Variants in PDCD2 observed in about 807,000 individuals in gnomAD.
PDCD2 encodes programmed cell death 2, also known as uS5 assembly chaperone PDCD2.
In PDCD2, 38 loss-of-function variants were observed where a neutral mutation model predicts 38.1. That is an observed-to-expected ratio of 1.00 (90% confidence interval 0.77 to 1.31). The LOEUF (loss-of-function observed/expected upper bound fraction) is 1.31. Among genes scored for constraint, PDCD2 ranks in the 50% most tolerant of loss-of-function variants. The pLI is 0.00. For synonymous variants in PDCD2, 205 were observed against 168.9 expected, an observed-to-expected ratio of 1.21 and a Z score of -1.66; for missense variants, 473 against 435.7, an observed-to-expected ratio of 1.09 and a Z score of -0.76.
At chr6:170,578,610 G>T (rs1410350338) in intron 5 of PDCD2, 2 of 702,890 alleles carry the variant, frequency 2.8e-6, no homozygotes, top group Admixed American at 4.0e-5. Context: ...GAGCAGTGTA[G>T]ATATCCTCAT....
At position 170,583,178 on chromosome 6, in the gene PDCD2, G is replaced by T. The variant is rs1437734028; in HGVS notation, c.537C>A (p.Asp179Glu). Residue 179 changes from aspartate (D) to glutamate (E), a missense_variant, in exon 3 of 6, where the codon GAC becomes GAA. Transcript: ENST00000541970. ...KQACAQPDHL[D>E]HIIPDHNFLF... The stretch of plus-strand genomic sequence containing the variant: ...GGAAGTTGTGGTCTGGAATTATATG[G>T]TCCAGATGATCTGAAACAAAAAGGA... The T allele has an allele frequency of 6.3e-7, 1 of 1,598,588 alleles. No homozygotes were observed. The highest frequency in any genetic ancestry group is 1.1e-5 in the South Asian group (1 of 89,380).
chr6:170,581,865 T>C, intron 3 of PDCD2: 1 of 298,482 alleles, frequency 3.4e-6, no homozygotes. Flanking sequence ...GTTCTTAGTG[T>C]GGTTATATGA....
intron 3 of PDCD2, chr6:170,582,223 CTG>C (rs1202081434): frequency 4.2e-5 from 60 of 1,439,706 alleles, no homozygotes; most frequent in Non-Finnish European, 4.8e-5. Flanking sequence ...CTCCATAAGA[CTG>C]TGAGCATCTG....
At chr6:170,578,369 A>G (rs966402345) in intron 5 of PDCD2, 10 of 471,422 alleles carry the variant, frequency 2.1e-5, no homozygotes, top group African/African-American at 1.8e-4. Flanking sequence ...ACCCAAATGG[A>G]TTTTGATGCT....
rs1401748113 is a variant in PDCD2 at position 170,575,913 on chromosome 6, A to C, written c.*1646T>G. ...CGTTAACATGTTTGCTTTAAAAGTC[A>C]TTAGCAGTCATAACGTACTTACAGA... On this transcript the variant is annotated 3_prime_UTR_variant, in exon 6 of 6. Transcript: ENST00000541970. 1 of 152,256 alleles carries C rather than the reference A, an allele frequency of 6.6e-6. No homozygotes were observed. Among genetic ancestry groups the C allele is most frequent in the Non-Finnish European group, 1.5e-5 (1 of 68,050 alleles). 9.4% of individuals were successfully genotyped at this position (152,256 alleles called of 1,614,324 possible).
intron 1 of PDCD2, 160 bp from the exon 2 acceptor site, chr6:170,583,907 G>A (rs971437416): frequency 7.7e-6 from 5 of 646,818 alleles, no homozygotes; most frequent in Middle Eastern, 4.1e-4. Flanking sequence ...GATTTCGTCC[G>A]GTACACGCAA....
intron 5 of PDCD2, among the ~76,000 whole-genome samples, chr6:170,578,156 T>C (rs1233294320): frequency 1.8e-5 from 2 of 109,162 alleles, no homozygotes; most frequent in East Asian, 7.8e-4. Context: ...AAAGAGTGAA[T>C]AGGCAGAATA....
intron 3 of PDCD2, chr6:170,582,052 T>A: frequency 6.9e-7 from 1 of 1,450,984 alleles, no homozygotes; most frequent in Non-Finnish European, 9.1e-7. Flanking sequence ...CTCCTAAAGA[T>A]AAGCATTTTC....
Position 170,583,545 on chromosome 6 carries a change from T to A in PDCD2, c.486A>T (p.Leu162=), listed in dbSNP as rs1195339720. The A allele has an allele frequency of 1.9e-6, 3 of 1,613,802 alleles. No individual in the cohort carries two copies. In the Admixed American group the frequency reaches 5.0e-5, roughly 27 times the overall value. ...AYYCSKEHQT[L]DWRLGHKQAC... is the part of the protein sequence containing the mutation. The stretch of plus-strand genomic sequence containing the variant: ...CCTGCTTATGTCCCAATCTCCAGTC[T>A]AGGGTCTGATGCTCCTTGCTGCAGT... Residue 162 remains leucine (L), a synonymous_variant, in exon 2 of 6, where the codon CTA becomes CTT. Coordinates refer to ENST00000541970, the MANE Select transcript of PDCD2 (RefSeq NM_002598.4).
chr6:170,578,935 C>T lies in PDCD2; in HGVS notation c.798G>A (p.Trp266Ter). Residue 266 changes from tryptophan (W) to a stop codon, truncating the protein, a stop_gained, in exon 5 of 6, where the codon TGG (tryptophan) becomes TGA (stop). Transcript: ENST00000541970. LOFTEE classifies it high-confidence loss of function. ...CTTGAGGAATATTTTCACCAGAAATCCAGATGGGGGCAATACCTCTGCCAT... is the reference window on the plus strand; with the variant it reads ...CTTGAGGAATATTTTCACCAGAAATTCAGATGGGGGCAATACCTCTGCCAT... ...LRYGRGIAPI[W>*]ISGENIPQEK... 1 of 1,604,728 alleles carries T rather than the reference C, an allele frequency of 6.2e-7. No individual in the cohort carries two copies. Among genetic ancestry groups the T allele is most frequent in the Non-Finnish European group, 8.5e-7 (1 of 1,176,776 alleles).
intron 5 of PDCD2, chr6:170,578,546 A>C: frequency 1.4e-6 from 1 of 690,484 alleles, no homozygotes; most frequent in Non-Finnish European, 2.6e-6. Flanking sequence ...TATTTAAAAT[A>C]ACAAAAGTTA....
At position 170,584,307 on chromosome 6, in the gene PDCD2, C is replaced by A; in HGVS notation, c.275G>T (p.Gly92Val). 3 of 1,472,402 alleles carry A rather than the reference C, an allele frequency of 2.0e-6. No homozygotes were observed. The highest frequency in any genetic ancestry group is 2.4e-5 in the Admixed American group (1 of 41,210). 91.2% of individuals were successfully genotyped at this position (1,472,402 alleles called of 1,614,324 possible). The change falls in exon 1 of 6, where the codon GGC becomes GTC. Residue 92 changes from glycine to valine, a missense_variant. Physicochemically the swap from Gly to Val is moderately radical, Grantham distance 109. Coordinates refer to ENST00000541970, the MANE Select transcript of PDCD2 (RefSeq NM_002598.4). ...CCCGTTTGGCGGCTCACCTCGCAGGCCGGCACAGCACGGCTGCTCGCGGCA... is the reference window on the plus strand; with the variant it reads ...CCCGTTTGGCGGCTCACCTCGCAGGACGGCACAGCACGGCTGCTCGCGGCA... ...FCCREQPCCA[G>V]LRVFRNQLPR...
rs372458890 is a variant in PDCD2, at chr6:170,577,566, G to T, written c.1028C>A (p.Thr343Lys). ...EFVWKQDVTD[T>K]P The stretch of plus-strand genomic sequence containing the variant: ...CAAGGCTTTAAGATGCCTTTACGGT[G>T]TATCTGTTACATCCTGCTTCCACAC... Residue 343 changes from threonine (T) to lysine (K), a missense_variant, in exon 6 of 6, where the codon ACA (threonine) becomes AAA (lysine). Transcript: ENST00000541970. 13 of 1,613,648 alleles carry T rather than the reference G, an allele frequency of 8.1e-6. No individual in the cohort carries two copies. Among genetic ancestry groups the T allele is most frequent in the East Asian group, 2.2e-5 (1 of 44,870 alleles).
chr6:170,583,594 C>A lies in PDCD2; in HGVS notation c.437G>T (p.Cys146Phe), dbSNP rs372293466. 4.0e-5 allele frequency: 64 copies of A among 1,613,810 alleles called. No individual in the cohort carries two copies. The highest frequency in any genetic ancestry group is 5.3e-5 in the Non-Finnish European group (62 of 1,179,904). ...RVCGCLGPKT[C>F]SRCHKAYYCS... ...GTAATATGCTTTGTGGCATCTGGAG[C>A]ACGTTTTGGGGCCTAAACAGCCACA... Residue 146 changes from cysteine to phenylalanine, a missense_variant, in exon 2 of 6, where the codon TGC (cysteine) becomes TTC (phenylalanine). Physicochemically the swap from Cys to Phe is radical, Grantham distance 205. Coordinates refer to ENST00000541970, the MANE Select transcript of PDCD2 (RefSeq NM_002598.4).
rs1583146525 is a variant in PDCD2 at position 170,584,462 on chromosome 6, C to A, written c.120G>T (p.Ala40=). 10 of 1,309,598 alleles carry A rather than the reference C, an allele frequency of 7.6e-6. No individual in the cohort carries two copies. The highest frequency in any genetic ancestry group is 9.6e-6 in the Non-Finnish European group (10 of 1,037,144). The allele number at this position is 1,309,598 out of a possible 1,614,324, so 81.1% of individuals were successfully genotyped here. A position where few individuals can be genotyped will look rare whatever the true frequency, so the allele number is the denominator to read the frequency against. ...GGGCCTGGGGCCCCGGCAGCCCGGC[C>A]GCGCCCAGCCATGCCGGCCGCCCGC... ...KVGGRPAWLG[A]AGLPGPQALA... Residue 40 remains alanine (A), a synonymous_variant, in exon 1 of 6, where the codon GCG becomes GCT. Coordinates refer to ENST00000541970, the MANE Select transcript of PDCD2 (RefSeq NM_002598.4).
Position 170,577,496 on chromosome 6 carries a change from T to C in PDCD2, c.*63A>G, listed in dbSNP as rs1436398082. On this transcript the variant is annotated 3_prime_UTR_variant, in exon 6 of 6. Coordinates refer to ENST00000541970, the MANE Select transcript of PDCD2 (RefSeq NM_002598.4). ...GTATAAGTATTTCCTTAGGATAAAATCCCAGAAATGGAATTGCAAGGTATA... is the reference window on the plus strand; with the variant it reads ...GTATAAGTATTTCCTTAGGATAAAACCCCAGAAATGGAATTGCAAGGTATA... 7 of 1,390,920 alleles carry C rather than the reference T, an allele frequency of 5.0e-6. No individual in the cohort carries two copies. The East Asian group carries it at 1.2e-4, about 23-fold the overall frequency. 86.2% of individuals were successfully genotyped at this position (1,390,920 alleles called of 1,614,324 possible). A position where few individuals can be genotyped will look rare whatever the true frequency, so the allele number is the denominator to read the frequency against.
chr6:170,579,100 C>T, intron 4 of PDCD2, 130 bp from the exon 5 acceptor site: 1 of 604,722 alleles, frequency 1.7e-6, no homozygotes, highest in Non-Finnish European at 2.9e-6. Context: ...TGTCACAGTT[C>T]CCCCATCAGA....
In PDCD2 at chr6:170,583,914, G is replaced by C. The variant is rs184753119; in HGVS notation, c.284-167C>G. The C allele has an allele frequency of 1.7e-3, 1,057 of 633,678 alleles. 3 individuals carry two copies. The highest frequency in any genetic ancestry group is 2.2e-3 in the Non-Finnish European group (830 of 370,258). The allele number at this position is 633,678 out of a possible 1,614,324, so 39.3% of individuals were successfully genotyped here. A position where few individuals can be genotyped will look rare whatever the true frequency, so the allele number is the denominator to read the frequency against. On this transcript the variant is annotated intron_variant, in intron 1 of 5. Transcript: ENST00000541970. Reference sequence around the variant, plus strand: ...AGAAACTAGATTTCGTCCGGTACACGCAACTGAGTTGCCTCCTAGAGGTGG... The same window carrying C: ...AGAAACTAGATTTCGTCCGGTACACCCAACTGAGTTGCCTCCTAGAGGTGG...
rs1408845019 is a variant in PDCD2 at position 170,577,312 on chromosome 6, ATGTC to A, written c.*243_*246del. On this transcript the variant is annotated 3_prime_UTR_variant, in exon 6 of 6. Coordinates refer to ENST00000541970, the MANE Select transcript of PDCD2 (RefSeq NM_002598.4). ...TACCATGAATACCACCTATAATGGT[ATGTC>A]TGTTGTCAATATAGGTGTTATAATT... is the stretch of plus-strand genomic sequence containing the variant. The A allele has an allele frequency of 2.0e-5, 8 of 394,234 alleles. No homozygotes were observed. Among genetic ancestry groups the A allele is most frequent in the South Asian group, 4.0e-5 (1 of 24,730 alleles). 24.4% of individuals were successfully genotyped at this position (394,234 alleles called of 1,614,324 possible).
Sources: gnomAD v4.1 joint callset for allele counts (sites outside exome capture counted in the v4.1 genomes callset) on GRCh38, gnomAD v4.1.1 for gene constraint, MANE v1.5 for transcripts, NCBI Gene and HGNC (gene_info 2026-07-23, HGNC 2026-07-21) for gene names.